The following CYP1A2 variants were observed in gnomAD, a reference collection of about 807,000 sequenced individuals.
CYP1A2 encodes the protein cytochrome P450 family 1 subfamily A member 2.
CYP1A2 carries 35 observed loss-of-function variants against 34.7 expected under a neutral mutation model. The observed-to-expected ratio is 1.01, with a 90% confidence interval of 0.77 to 1.34. CYP1A2 has a LOEUF of 1.34. CYP1A2 is among the 40% of genes most tolerant of loss of function. The probability of loss-of-function intolerance (pLI) is 0.00; values close to 1 mark genes in which losing one functional copy is unlikely to be tolerated. For synonymous variants in CYP1A2, 288 were observed against 281.9 expected, an observed-to-expected ratio of 1.02 and a Z score of -0.22; for missense variants, 675 against 675.8, an observed-to-expected ratio of 1.00 and a Z score of 0.01.
Position 74,749,801 on chromosome 15 carries a change from C to G in CYP1A2, c.63C>G (p.Phe21Leu), listed in dbSNP as rs56160784. The G allele has an allele frequency of 3.0e-5, 48 of 1,585,258 alleles. No homozygotes were observed. The East Asian group carries it at 9.7e-4, about 32-fold the overall frequency. The change falls in exon 2 of 7, where the codon TTC becomes TTG. Residue 21 changes from phenylalanine (F) to leucine (L), a missense_variant. Physicochemically the swap from Phe to Leu is conservative, Grantham distance 22. Coordinates refer to ENST00000343932, the MANE Select transcript of CYP1A2 (RefSeq NM_000761.5). ...AGCTTCTCCTGGCCTCTGCCATCTT[C>G]TGCCTGGTATTCTGGGTGCTCAAGG... ...ATELLLASAI[F>L]CLVFWVLKGL... is the part of the protein sequence containing the mutation.
At chr15:74,750,626 C>A (rs2063310811) in intron 2 of CYP1A2, 57 bp downstream of exon 2, 3 of 1,427,578 alleles carry the variant, frequency 2.1e-6, no homozygotes, top group Non-Finnish European at 2.9e-6. Context: ...TGCAGCCCCT[C>A]CCTCCCAGCT....
rs1368910480 is a variant in CYP1A2, at chr15:74,752,169, C to T, written c.1088C>T (p.Pro363Leu). 6 of 1,614,042 alleles carry T rather than the reference C, an allele frequency of 3.7e-6. 1 individual carries two copies. The South Asian group carries it at 4.4e-5, about 12-fold the overall frequency. ...RERRPRLSDR[P>L]QLPYLEAFIL... ...CGGCGGCCCCGGCTCTCTGACAGAC[C>T]CCAGCTGCCCTACTTGGAGGCCTTC... Residue 363 changes from proline to leucine, a missense_variant, in exon 5 of 7, where the codon CCC (proline) becomes CTC (leucine). Pro to Leu is a moderately conservative substitution (Grantham distance 98). Transcript: ENST00000343932.
intron 6 of CYP1A2, among the ~76,000 whole-genome samples, chr15:74,754,109 G>A (rs906632351): frequency 3.9e-5 from 6 of 152,034 alleles, no homozygotes; most frequent in African/African-American, 7.2e-5. Flanking sequence ...TTCCTATGTG[G>A]TCCAGGCTGG....
chr15:74,753,320 A>T, intron 6 of CYP1A2, 50 bp downstream of exon 6: 1 of 1,479,688 alleles, frequency 6.8e-7, no homozygotes, highest in Non-Finnish European at 9.4e-7. Flanking sequence ...AGCAGTCAGG[A>T]AGGCTGTTTG....
chr15:74,753,314 G>A (rs1183141285), intron 6 of CYP1A2, 44 bp downstream of exon 6: 1 of 1,512,478 alleles, frequency 6.6e-7, no homozygotes. Context: ...AGGTTCAGCA[G>A]TCAGGAAGGC....
intron 3 of CYP1A2, 144 bp from the exon 4 acceptor site, chr15:74,751,621 G>C (rs2063315835): frequency 3.5e-6 from 3 of 852,460 alleles, no homozygotes; most frequent in Non-Finnish European, 5.6e-6. Flanking sequence ...TTATGTTGAA[G>C]AGACCCAGCC....
intron 4 of CYP1A2, 100 bp downstream of exon 4, chr15:74,751,954 C>A: frequency 6.7e-7 from 1 of 1,497,840 alleles, no homozygotes. Flanking sequence ...GTGTGCAAGC[C>A]CTGGGCACAC....
Position 74,749,980 on chromosome 15 carries a change from G to T in CYP1A2, c.242G>T (p.Gly81Val). The change falls in exon 2 of 7, where the codon GGC becomes GTC. Residue 81 changes from glycine (G) to valine (V), a missense_variant. Transcript: ENST00000343932. ...RYGDVLQIRI[G>V]STPVLVLSRL... is the part of the protein sequence containing the mutation. ...GGGGACGTCCTGCAGATCCGCATTG[G>T]CTCCACGCCCGTGCTGGTGCTGAGC... 1 of 1,614,064 alleles carries T rather than the reference G, an allele frequency of 6.2e-7. No homozygotes were observed. The highest frequency in any genetic ancestry group is 1.6e-4 in the Middle Eastern group (1 of 6,062).
Position 74,752,248 on chromosome 15 carries a change from G to A in CYP1A2, c.1166+1G>A, listed in dbSNP as rs1172071025. On this transcript the variant is annotated splice_donor_variant, in intron 5 of 6. Coordinates refer to ENST00000343932, the MANE Select transcript of CYP1A2 (RefSeq NM_000761.5). LOFTEE classifies it high-confidence loss of function. ...TCTTGCCCTTCACCATCCCCCACAG[G>A]TGAGGCCTGCCGGTTCTGCCCTCCC... 1 of 1,613,684 alleles carries A rather than the reference G, an allele frequency of 6.2e-7. No individual in the cohort carries two copies.
At chr15:74,751,612 T>G (rs879657385) in intron 3 of CYP1A2, among the ~76,000 whole-genome samples, 153 bp from the exon 4 acceptor site, 3 of 152,238 alleles carry the variant, frequency 2.0e-5, no homozygotes, top group Non-Finnish European at 2.9e-5. Flanking sequence ...ATCTCAAGTT[T>G]ATGTTGAAGA....
In CYP1A2 at chr15:74,755,654, G is replaced by A; in HGVS notation, c.*566G>A. 6.6e-6 allele frequency: 1 copy of A among 152,172 alleles called. No individual in the cohort carries two copies. The highest frequency in any genetic ancestry group is 1.9e-4 in the East Asian group (1 of 5,168). The allele number at this position is 152,172 out of a possible 1,614,324, so 9.4% of individuals were successfully genotyped here. A position where few individuals can be genotyped will look rare whatever the true frequency, so the allele number is the denominator to read the frequency against. ...GTGGAGATGGGGTTTCACCATGTTGGCCAGGCTTGTCTCGAACTCCTGACC... is the reference window on the plus strand; with the variant it reads ...GTGGAGATGGGGTTTCACCATGTTGACCAGGCTTGTCTCGAACTCCTGACC... On this transcript the variant is annotated 3_prime_UTR_variant, in exon 7 of 7. Transcript: ENST00000343932.
At chr15:74,751,685 A>T in intron 3 of CYP1A2, 80 bp from the exon 4 acceptor site, 1 of 1,385,718 alleles carries the variant, frequency 7.2e-7, no homozygotes, top group Non-Finnish European at 1.0e-6. Context: ...TGCTGGATAC[A>T]TACATAGCAG....
intron 1 of CYP1A2, among the ~76,000 whole-genome samples, chr15:74,749,291 G>A (rs773422664): frequency 2.0e-5 from 3 of 152,192 alleles, no homozygotes; most frequent in South Asian, 2.1e-4. Flanking sequence ...GTGTCACTGG[G>A]TAGGGGGAAC....
chr15:74,751,147 C>T (rs1478073318), intron 2 of CYP1A2, 42 bp from the exon 3 acceptor site: 1 of 1,611,062 alleles, frequency 6.2e-7, no homozygotes. Context: ...AGCCTTTGAC[C>T]TTGGAAGTGC....
chr15:74,752,777 T>C (rs1320950355), intron 5 of CYP1A2, among the ~76,000 whole-genome samples: 4 of 150,842 alleles, frequency 2.7e-5, no homozygotes, highest in African/African-American at 7.3e-5. Flanking sequence ...CATTTACTTC[T>C]ACCCAAACGT....
In CYP1A2 at chr15:74,750,087, A is replaced by G; in HGVS notation, c.349A>G (p.Ile117Val). The G allele has an allele frequency of 1.9e-6, 3 of 1,614,004 alleles. No homozygotes were observed. Among genetic ancestry groups the G allele is most frequent in the East Asian group, 2.2e-5 (1 of 44,882 alleles). The stretch of plus-strand genomic sequence containing the variant: ...GCCTGACCTCTACACCTCCACCCTC[A>G]TCACTGATGGCCAGAGCTTGACCTT... ...GRPDLYTSTL[I>V]TDGQSLTFST... is the part of the protein sequence containing the mutation. The change falls in exon 2 of 7, where the codon ATC becomes GTC. Residue 117 changes from isoleucine (I) to valine (V), a missense_variant. Physicochemically the swap from Ile to Val is conservative, Grantham distance 29. Transcript: ENST00000343932.
chr15:74,750,330 A>T lies in CYP1A2; in HGVS notation c.592A>T (p.Asn198Tyr), dbSNP rs2063308404. The T allele has an allele frequency of 1.2e-6, 2 of 1,613,848 alleles. No homozygotes were observed. Among genetic ancestry groups the T allele is most frequent in the Non-Finnish European group, 1.7e-6 (2 of 1,179,990 alleles). Residue 198 changes from asparagine (N) to tyrosine (Y), a missense_variant, in exon 2 of 7, where the codon AAC becomes TAC. Asn to Tyr is a moderately radical substitution (Grantham distance 143, BLOSUM62 -2). Coordinates refer to ENST00000343932, the MANE Select transcript of CYP1A2 (RefSeq NM_000761.5). Reference sequence around the variant, plus strand: ...CAATCAGGTGGTGGTGTCAGTGGCCAACGTCATTGGTGCCATGTGCTTCGG... The same window carrying T: ...CAATCAGGTGGTGGTGTCAGTGGCCTACGTCATTGGTGCCATGTGCTTCGG... ...PYNQVVVSVA[N>Y]VIGAMCFGQH...
chr15:74,753,318 G>A (rs1444777109), intron 6 of CYP1A2, 48 bp downstream of exon 6: 1 of 1,495,166 alleles, frequency 6.7e-7, no homozygotes, highest in Non-Finnish European at 9.3e-7. Context: ...TCAGCAGTCA[G>A]GAAGGCTGTT....
At position 74,750,038 on chromosome 15, in the gene CYP1A2, G is replaced by T. The variant is rs137918189; in HGVS notation, c.300G>T (p.Arg100=). The T allele has an allele frequency of 4.3e-6, 7 of 1,614,022 alleles. No homozygotes were observed. Among genetic ancestry groups the T allele is most frequent in the Middle Eastern group, 1.6e-4 (1 of 6,062 alleles). Residue 100 remains arginine, a synonymous_variant, in exon 2 of 7, where the codon CGG becomes CGT. Transcript: ENST00000343932. ...ACACCATCCGGCAGGCCCTGGTGCG[G>T]CAGGGCGACGATTTCAAGGGCCGGC... is the stretch of plus-strand genomic sequence containing the variant. ...RLDTIRQALV[R]QGDDFKGRPD...
Sources: allele counts gnomAD v4.1 joint callset (sites outside exome capture counted in the v4.1 genomes callset), GRCh38; gene constraint gnomAD v4.1.1; transcripts MANE v1.5; gene names NCBI Gene and HGNC (gene_info 2026-07-23, HGNC 2026-07-21).